The following STK39 variants were observed in gnomAD, a reference collection of about 807,000 sequenced individuals.
The protein encoded by STK39 is STE20/SPS1-related proline-alanine-rich protein kinase.
Under a neutral mutation model 77.8 loss-of-function variants are expected in STK39, and 20 were observed. That is an observed-to-expected ratio of 0.26 (90% CI 0.18 to 0.37). STK39 has a LOEUF of 0.37. Ranked by LOEUF, STK39 falls within the 10% of genes least tolerant of loss-of-function variation. STK39 has a pLI of 1.00. For missense variants in STK39, 479 were observed against 656.5 expected, an observed-to-expected ratio of 0.73 and a Z score of 2.95; for synonymous variants, 246 against 234.1, an observed-to-expected ratio of 1.05 and a Z score of -0.47.
At chr2:168,202,067 C>T (rs1427665026) in intron 1 of STK39, among the ~76,000 whole-genome samples, 2 of 152,176 alleles carry the variant, frequency 1.3e-5, no homozygotes, top group East Asian at 1.9e-4. Flanking sequence ...GCTACATGCT[C>T]ACCTGGTTGC....
chr2:168,036,027 C>T (rs1042206364), intron 14 of STK39, among the ~76,000 whole-genome samples: 2 of 152,098 alleles, frequency 1.3e-5, no homozygotes, highest in Non-Finnish European at 2.9e-5. Flanking sequence ...ACAGCGAATA[C>T]GTGAGTCTGT....
chr2:168,018,060 C>T (rs966861045), intron 14 of STK39, among the ~76,000 whole-genome samples: 3 of 152,108 alleles, frequency 2.0e-5, no homozygotes, highest in Admixed American at 1.3e-4. Flanking sequence ...ATCTGAGACA[C>T]AAGTTTTCCA....
In STK39 at chr2:168,136,088, A is replaced by G. The variant is rs570140141; in HGVS notation, c.974+2000T>C. Among the ~76,000 whole-genome samples, 389 of 151,956 alleles carry G rather than the reference A, an allele frequency of 2.6e-3. 2 individuals are homozygous for G. Among genetic ancestry groups the G allele is most frequent in the African/African-American group, 8.9e-3 (367 of 41,460 alleles). Reference sequence around the variant, plus strand: ...CAAGATTATTAAGAAATAAAAATGGACCGGGTGCGGTAGCTCATGCCTGTA... The same window carrying G: ...CAAGATTATTAAGAAATAAAAATGGGCCGGGTGCGGTAGCTCATGCCTGTA... On this transcript the variant is annotated intron_variant, in intron 8 of 17. Transcript: ENST00000355999.
chr2:168,229,024 A>G (rs956157832), intron 1 of STK39, among the ~76,000 whole-genome samples: 2 of 152,074 alleles, frequency 1.3e-5, no homozygotes, highest in African/African-American at 4.8e-5. Context: ...CCACATCTAA[A>G]AGCATATAAT....
chr2:168,022,785 A>C (rs1684601723), intron 14 of STK39, among the ~76,000 whole-genome samples: 1 of 152,240 alleles, frequency 6.6e-6, no homozygotes. Context: ...AAAAGAGTCA[A>C]ATAAATGATA....
At chr2:168,110,163 A>G (rs969279041) in intron 10 of STK39, among the ~76,000 whole-genome samples, 1 of 152,216 alleles carries the variant, frequency 6.6e-6, no homozygotes, top group South Asian at 2.1e-4. Flanking sequence ...TGCCTGTTAC[A>G]TTAAGTGTCT....
intron 1 of STK39, 78 bp from the exon 2 acceptor site, chr2:168,182,168 T>C: frequency 8.1e-7 from 1 of 1,228,930 alleles, no homozygotes; most frequent in South Asian, 1.2e-5. Flanking sequence ...TTCCTAAAGA[T>C]CAATTTTTTT....
At chr2:168,135,262 A>G (rs1687800637) in intron 8 of STK39, among the ~76,000 whole-genome samples, 1 of 152,200 alleles carries the variant, frequency 6.6e-6, no homozygotes, top group South Asian at 2.1e-4. Context: ...AGAAAAAAAA[A>G]AAAGGCAAAT....
chr2:168,211,509 T>G (rs1689890369), intron 1 of STK39, among the ~76,000 whole-genome samples: 1 of 152,238 alleles, frequency 6.6e-6, no homozygotes, highest in Non-Finnish European at 1.5e-5. Context: ...TCAACCATGC[T>G]TTGTGCCTTC....
In STK39 at chr2:168,007,291, C is replaced by T. The variant is rs572758385; in HGVS notation, c.1498+5343G>A. On this transcript the variant is annotated intron_variant, in intron 16 of 17. Transcript: ENST00000355999. ...AATCTTGAAAGCAAAATTCTTAAAA[C>T]ACTAGAATCCTATATCTCAAAGTAT... 5.3e-5 allele frequency among the ~76,000 whole-genome samples: 8 copies of T among 152,220 alleles called. No homozygotes were observed. In the South Asian group the frequency reaches 1.7e-3, roughly 32 times the overall value.
chr2:167,964,735 T>C lies in STK39; in HGVS notation c.1499-9A>G, dbSNP rs1692099323. 6.2e-7 allele frequency: 1 copy of C among 1,605,660 alleles called. No homozygotes were observed. Among genetic ancestry groups the C allele is most frequent in the African/African-American group, 1.3e-5 (1 of 74,722 alleles). On this transcript the variant is annotated splice_polypyrimidine_tract_variant and intron_variant, in intron 16 of 17. Transcript: ENST00000355999. Reference sequence around the variant, plus strand: ...CTGTAAATTAGCAGCCACTGTAAAATATAAACGTAGAGAGAAAGTTTCCAG... The same window carrying C: ...CTGTAAATTAGCAGCCACTGTAAAACATAAACGTAGAGAGAAAGTTTCCAG...
chr2:168,210,682 G>C (rs1332401000), intron 1 of STK39, among the ~76,000 whole-genome samples: 1 of 152,020 alleles, frequency 6.6e-6, no homozygotes, highest in Non-Finnish European at 1.5e-5. Flanking sequence ...ACCACACCCG[G>C]CTAATTTTTA....
chr2:168,180,649 T>C (rs972935830), intron 2 of STK39, among the ~76,000 whole-genome samples: 20 of 152,268 alleles, frequency 1.3e-4, no homozygotes, highest in Admixed American at 9.2e-4. Context: ...TCAGAGAAAG[T>C]GACCTTGAAA....
chr2:168,144,963 A>G (rs1316937541), intron 5 of STK39, among the ~76,000 whole-genome samples: 1 of 85,966 alleles, frequency 1.2e-5, no homozygotes, highest in Non-Finnish European at 2.0e-5. Flanking sequence ...TCTAGGCAAC[A>G]GAGTGAGCCC....
At chr2:168,094,679 T>C (rs982398900) in intron 10 of STK39, among the ~76,000 whole-genome samples, 2 of 152,134 alleles carry the variant, frequency 1.3e-5, no homozygotes, top group Admixed American at 6.5e-5. Flanking sequence ...GTTCTCTGCA[T>C]CCTCCACTTG....
chr2:168,181,538 T>C (rs1689083020), intron 2 of STK39, among the ~76,000 whole-genome samples: 1 of 152,146 alleles, frequency 6.6e-6, no homozygotes, highest in Non-Finnish European at 1.5e-5. Context: ...AACTCAAATT[T>C]GTGTGATGCT....
At chr2:168,055,843 C>G (rs1273097243) in intron 14 of STK39, among the ~76,000 whole-genome samples, 1 of 152,122 alleles carries the variant, frequency 6.6e-6, no homozygotes, top group Non-Finnish European at 1.5e-5. Flanking sequence ...ATGTTTGACT[C>G]AAAACAGAAA....
chr2:168,013,247 C>A (rs1199329289), intron 15 of STK39, among the ~76,000 whole-genome samples: 1 of 152,206 alleles, frequency 6.6e-6, no homozygotes. Context: ...TTGATAGCAA[C>A]AGATACATTG....
intron 8 of STK39, among the ~76,000 whole-genome samples, chr2:168,136,591 C>G (rs748958522): frequency 6.6e-6 from 1 of 152,128 alleles, no homozygotes; most frequent in Non-Finnish European, 1.5e-5. Flanking sequence ...TACTGTCGTT[C>G]AAGAATCAGG....
Sources: allele counts gnomAD v4.1 joint callset (sites outside exome capture counted in the v4.1 genomes callset), GRCh38; gene constraint gnomAD v4.1.1; transcripts MANE v1.5; gene names NCBI Gene and HGNC (gene_info 2026-07-23, HGNC 2026-07-21).